The following PPM1H variants were observed in gnomAD, a reference collection of about 807,000 sequenced individuals.
The protein encoded by PPM1H is protein phosphatase, Mg2+/Mn2+ dependent 1H.
A neutral mutation model predicts 54.9 loss-of-function variants in PPM1H; 27 were observed. The ratio of observed to expected loss-of-function variants is 0.49; its 90% CI spans 0.36 to 0.68. The LOEUF is 0.68. Among genes scored for constraint, PPM1H ranks in the 30% least tolerant of loss-of-function variants. The probability of loss-of-function intolerance (pLI) is 0.00; values close to 1 mark genes in which losing one functional copy is unlikely to be tolerated. For missense variants in PPM1H, 596 were observed against 667.8 expected (o/e 0.89, Z 1.19); for synonymous variants, 305 against 270.8 (o/e 1.13, Z -1.24).
At chr12:62,654,161 G>A (rs1281988065) in intron 9 of PPM1H, among the ~76,000 whole-genome samples, 1 of 144,362 alleles carries the variant, frequency 6.9e-6, no homozygotes, top group Non-Finnish European at 1.5e-5. Context: ...CTAGAGCCTG[G>A]GAAGCGAGGC....
intron 6 of PPM1H, among the ~76,000 whole-genome samples, chr12:62,695,282 T>A (rs1297672556): frequency 6.6e-6 from 1 of 152,110 alleles, no homozygotes; most frequent in Non-Finnish European, 1.5e-5. Flanking sequence ...TGAGCTGGAG[T>A]TCAGCAATGC....
intron 4 of PPM1H, among the ~76,000 whole-genome samples, chr12:62,787,555 G>A (rs1444492751): frequency 1.3e-5 from 2 of 152,324 alleles, no homozygotes; most frequent in East Asian, 1.9e-4. Context: ...AGGTGGTGGT[G>A]CAACCTGTAA....
intron 6 of PPM1H, among the ~76,000 whole-genome samples, chr12:62,700,390 A>G (rs2076137721): frequency 6.6e-6 from 1 of 151,896 alleles, no homozygotes; most frequent in Non-Finnish European, 1.5e-5. Flanking sequence ...TATTCTTCCT[A>G]CCTTATGGCT....
In PPM1H at chr12:62,723,755, A is replaced by C. The variant is rs528386095; in HGVS notation, c.955-3466T>G. Among the ~76,000 whole-genome samples the C allele has an allele frequency of 9.2e-5, 14 of 152,340 alleles. No individual in the cohort carries two copies. In the South Asian group the frequency reaches 2.1e-3, roughly 23 times the overall value. On this transcript the variant is annotated intron_variant, in intron 5 of 9. Coordinates refer to ENST00000228705, the MANE Select transcript of PPM1H (RefSeq NM_020700.2). Reference sequence around the variant, plus strand: ...TAAGGCTGTGTGTGTGTGTAAATACAGATACGTGGCATGCATATATATTAT... The same window carrying C: ...TAAGGCTGTGTGTGTGTGTAAATACCGATACGTGGCATGCATATATATTAT...
At chr12:62,824,085 A>G (rs1233692184) in intron 2 of PPM1H, among the ~76,000 whole-genome samples, 1 of 151,056 alleles carries the variant, frequency 6.6e-6, no homozygotes, top group Non-Finnish European at 1.5e-5. Context: ...CAAAAATCAC[A>G]AGCATTCTTA....
chr12:62,830,572 G>A (rs917204160), intron 2 of PPM1H, among the ~76,000 whole-genome samples: 4 of 151,994 alleles, frequency 2.6e-5, no homozygotes, highest in Non-Finnish European at 5.9e-5. Flanking sequence ...CCTTTTTAGA[G>A]TAGACAAAAC....
chr12:62,772,331 C>T (rs1211045557), intron 4 of PPM1H, among the ~76,000 whole-genome samples: 1 of 152,136 alleles, frequency 6.6e-6, no homozygotes, highest in African/African-American at 2.4e-5. Context: ...CAAACTCAGG[C>T]CCACGTGAGT....
chr12:62,896,241 A>T (rs1463021077), intron 1 of PPM1H, among the ~76,000 whole-genome samples: 1 of 152,178 alleles, frequency 6.6e-6, no homozygotes, highest in African/African-American at 2.4e-5. Flanking sequence ...AAGCCAAAAT[A>T]GACAAATGGG....
At chr12:62,876,634 C>A (rs1870182628) in intron 1 of PPM1H, among the ~76,000 whole-genome samples, 1 of 152,034 alleles carries the variant, frequency 6.6e-6, no homozygotes, top group Admixed American at 6.6e-5. Flanking sequence ...AGTATAGGTC[C>A]CCAGGACGTA....
chr12:62,799,127 T>A (rs2076751741), intron 3 of PPM1H, among the ~76,000 whole-genome samples: 1 of 152,232 alleles, frequency 6.6e-6, no homozygotes, highest in South Asian at 2.1e-4. Flanking sequence ...TGCTGGTGAC[T>A]AAGTTTCCAA....
intron 1 of PPM1H, among the ~76,000 whole-genome samples, chr12:62,888,639 C>T (rs189440415): frequency 7.2e-5 from 11 of 152,166 alleles, no homozygotes. Context: ...GCAAGGAACC[C>T]CTGTATTTTG....
At chr12:62,670,638 C>G (rs543012801) in intron 8 of PPM1H, among the ~76,000 whole-genome samples, 1 of 152,222 alleles carries the variant, frequency 6.6e-6, no homozygotes, top group East Asian at 1.9e-4. Context: ...TACATACACA[C>G]GTTATAAAAT....
At chr12:62,857,476 T>C (rs1229774507) in intron 1 of PPM1H, among the ~76,000 whole-genome samples, 1 of 152,296 alleles carries the variant, frequency 6.6e-6, no homozygotes, top group African/African-American at 2.4e-5. Flanking sequence ...TTTATTGTAT[T>C]TATTCACATA....
chr12:62,650,473 T>C (rs142285294), intron 9 of PPM1H, among the ~76,000 whole-genome samples: 29 of 152,280 alleles, frequency 1.9e-4, no homozygotes, highest in African/African-American at 6.7e-4. Context: ...AAAGAGATCT[T>C]TGGCTGAAGA....
chr12:62,682,624 C>G (rs1024806828), intron 8 of PPM1H, among the ~76,000 whole-genome samples: 1 of 152,194 alleles, frequency 6.6e-6, no homozygotes, highest in Non-Finnish European at 1.5e-5. Context: ...GCCTCTCAGT[C>G]TCCTGAGTAG....
At chr12:62,721,635 CACTT>C (rs1444355848) in intron 5 of PPM1H, among the ~76,000 whole-genome samples, 5 of 152,132 alleles carry the variant, frequency 3.3e-5, no homozygotes, top group African/African-American at 1.2e-4. Context: ...AGGGAACTAA[CACTT>C]AATAGGTCAG....
chr12:62,765,267 A>T (rs2076534531), intron 4 of PPM1H, among the ~76,000 whole-genome samples: 1 of 152,162 alleles, frequency 6.6e-6, no homozygotes, highest in East Asian at 1.9e-4. Context: ...ATGTGTGAGG[A>T]TGGACTGGGA....
At chr12:62,813,976 T>A (rs570848385) in intron 2 of PPM1H, among the ~76,000 whole-genome samples, 1 of 151,954 alleles carries the variant, frequency 6.6e-6, no homozygotes, top group African/African-American at 2.4e-5. Context: ...CATTTAAAAA[T>A]TTTAAATGTA....
intron 1 of PPM1H, among the ~76,000 whole-genome samples, chr12:62,846,892 G>A (rs10877921): frequency 0.23 from 35,752 of 152,146 alleles, 7,363 homozygotes; most frequent in African/African-American, 0.55. Flanking sequence ...CTGGCTAGTT[G>A]TGTGTCTTGG....
Sources: gnomAD v4.1 joint callset for allele counts (sites outside exome capture counted in the v4.1 genomes callset) on GRCh38, gnomAD v4.1.1 for gene constraint, MANE v1.5 for transcripts, NCBI Gene and HGNC (gene_info 2026-07-23, HGNC 2026-07-21) for gene names.